TBC1D22A: variants seen among roughly 807,000 people sequenced by gnomAD.
The protein encoded by TBC1D22A is TBC1 domain family member 22A, also known as putative GTPase activator.
A neutral mutation model predicts 60.2 loss-of-function variants in TBC1D22A; 38 were observed. The ratio of observed to expected loss-of-function variants is 0.63; its 90% confidence interval spans 0.49 to 0.83. The LOEUF (loss-of-function observed/expected upper bound fraction) is 0.83, where lower values mean the gene tolerates loss of function less well. TBC1D22A is among the 40% of genes least tolerant of loss of function. The probability of loss-of-function intolerance (pLI) is 0.00; values close to 1 mark genes in which losing one functional copy is unlikely to be tolerated. For missense variants in TBC1D22A, 628 were observed against 701.0 expected (o/e 0.90, Z 1.18); for synonymous variants, 302 against 281.7 (o/e 1.07, Z -0.72).
chr22:47,123,484 T>C (rs2066344242), intron 12 of TBC1D22A, among the ~76,000 whole-genome samples: 1 of 152,244 alleles, frequency 6.6e-6, no homozygotes, highest in African/African-American at 2.4e-5. Context: ...CATTGCTGTC[T>C]TGAGTCACTA....
intron 10 of TBC1D22A, among the ~76,000 whole-genome samples, chr22:47,027,037 A>G (rs934435978): frequency 6.6e-6 from 1 of 152,224 alleles, no homozygotes. Flanking sequence ...AGTAATCAAG[A>G]CAGCATGTTG....
chr22:47,161,879 C>T (rs1005864119), intron 12 of TBC1D22A, among the ~76,000 whole-genome samples: 4 of 152,260 alleles, frequency 2.6e-5, no homozygotes, highest in African/African-American at 9.6e-5. Flanking sequence ...ATAACTGAGC[C>T]AGCCCCAGAG....
At chr22:47,016,744 G>C (rs772274610) in intron 10 of TBC1D22A, among the ~76,000 whole-genome samples, 12 of 152,210 alleles carry the variant, frequency 7.9e-5, no homozygotes, top group Non-Finnish European at 1.6e-4. Context: ...TGCGCTTCCA[G>C]TCACAGCCGT....
At chr22:46,964,793 G>T (rs537829635) in intron 8 of TBC1D22A, among the ~76,000 whole-genome samples, 7 of 152,338 alleles carry the variant, frequency 4.6e-5, no homozygotes, top group African/African-American at 1.7e-4. Context: ...GGCACTGAGG[G>T]CTGAGGGGTC....
intron 8 of TBC1D22A, among the ~76,000 whole-genome samples, chr22:46,935,664 G>A (rs970835212): frequency 1.1e-4 from 17 of 152,214 alleles, no homozygotes; most frequent in Non-Finnish European, 2.5e-4. Flanking sequence ...GCTGTGCTAT[G>A]GGCCGTCTGT....
chr22:46,959,619 C>T (rs1031803820), intron 8 of TBC1D22A, among the ~76,000 whole-genome samples: 11 of 152,218 alleles, frequency 7.2e-5, no homozygotes, highest in Admixed American at 2.6e-4. Flanking sequence ...CCTCTCTGTC[C>T]CCTCCCCTGT....
At chr22:46,897,990 A>G (rs1452591504) in intron 7 of TBC1D22A, among the ~76,000 whole-genome samples, 1 of 152,204 alleles carries the variant, frequency 6.6e-6, no homozygotes, top group African/African-American at 2.4e-5. Context: ...CAACAGAAGT[A>G]GTCATTTTGA....
chr22:47,020,157 G>A (rs148289642), intron 10 of TBC1D22A, among the ~76,000 whole-genome samples: 1,549 of 152,316 alleles, frequency 0.01, 17 homozygotes, highest in African/African-American at 0.017. Flanking sequence ...ATTTCATGTC[G>A]TCATGAGCTT....
At chr22:47,058,938 C>T (rs768544119) in intron 11 of TBC1D22A, among the ~76,000 whole-genome samples, 6 of 152,202 alleles carry the variant, frequency 3.9e-5, no homozygotes, top group Admixed American at 2.0e-4. Context: ...CCATACCCCT[C>T]CCTCAGTTGA....
chr22:46,904,884 T>C (rs1313803091), intron 7 of TBC1D22A, among the ~76,000 whole-genome samples: 5 of 148,622 alleles, frequency 3.4e-5, no homozygotes, highest in African/African-American at 5.0e-5. Context: ...GCGCCATTCT[T>C]CTGCCTCAGC....
At position 47,173,622 on chromosome 22, in the gene TBC1D22A, A is replaced by G; in HGVS notation, c.1550A>G (p.Lys517Arg). ...AFADAPNHYKK is the reference protein window; with the variant it reads ...AFADAPNHYKR ...GCCGACGCCCCCAATCACTACAAGAAATGAGCCCAGGCCCACCCGCAGCTG... is the reference window on the plus strand; with the variant it reads ...GCCGACGCCCCCAATCACTACAAGAGATGAGCCCAGGCCCACCCGCAGCTG... The change falls in exon 13 of 13, where the codon AAA becomes AGA. Residue 517 changes from lysine to arginine, a missense_variant. Physicochemically the swap from Lys to Arg is conservative, Grantham distance 26. Transcript: ENST00000337137. 8 of 1,613,512 alleles carry G rather than the reference A, an allele frequency of 5.0e-6. No individual in the cohort carries two copies. The highest frequency in any genetic ancestry group is 5.9e-6 in the Non-Finnish European group (7 of 1,179,712).
At chr22:47,040,640 G>A (rs925398324) in intron 11 of TBC1D22A, among the ~76,000 whole-genome samples, 3 of 152,180 alleles carry the variant, frequency 2.0e-5, no homozygotes, top group African/African-American at 7.2e-5. Context: ...TGCTGGGGAG[G>A]TGAGGATGCA....
At position 47,173,848 on chromosome 22, in the gene TBC1D22A, G is replaced by A. The variant is rs1350516325; in HGVS notation, c.*222G>A. On this transcript the variant is annotated 3_prime_UTR_variant, in exon 13 of 13. Transcript: ENST00000337137. ...GAGATACCAAAGAGAGCCAGGGGAG[G>A]GCCCCGGGTTCGGCGGCCAGAGGCA... is the stretch of plus-strand genomic sequence containing the variant. 5 of 698,004 alleles carry A rather than the reference G, an allele frequency of 7.2e-6. No homozygotes were observed. The highest frequency in any genetic ancestry group is 2.2e-6 in the Non-Finnish European group (1 of 457,058). The allele number at this position is 698,004 out of a possible 1,614,324, so 43.2% of individuals were successfully genotyped here. A position where few individuals can be genotyped will look rare whatever the true frequency, so the allele number is the denominator to read the frequency against.
rs1054597708 is a variant in TBC1D22A, at chr22:46,987,666, C to T, written c.1126-9968C>T. Among the ~76,000 whole-genome samples, 4 of 152,154 alleles carry T rather than the reference C, an allele frequency of 2.6e-5. No homozygotes were observed. In the South Asian group the frequency reaches 6.2e-4, roughly 24 times the overall value. On this transcript the variant is annotated intron_variant, in intron 9 of 12. Coordinates refer to ENST00000337137, the MANE Select transcript of TBC1D22A (RefSeq NM_014346.5). The stretch of plus-strand genomic sequence containing the variant: ...AAAACTACTTTATTGCTAGAAAATG[C>T]GAATGATCATCTGAGCCTTCAGCAA...
At chr22:47,155,223 AAAATG>A (rs2067664488) in intron 12 of TBC1D22A, among the ~76,000 whole-genome samples, 1 of 151,988 alleles carries the variant, frequency 6.6e-6, no homozygotes, top group Non-Finnish European at 1.5e-5. Context: ...GGAAAAAAAA[AAAATG>A]AAATGAATTA....
intron 11 of TBC1D22A, among the ~76,000 whole-genome samples, chr22:47,040,356 C>T (rs1310459772): frequency 6.6e-6 from 1 of 152,162 alleles, no homozygotes; most frequent in Non-Finnish European, 1.5e-5. Context: ...CTCCTGATCT[C>T]ATCACCACCT....
intron 4 of TBC1D22A, among the ~76,000 whole-genome samples, chr22:46,846,608 T>G (rs2087006650): frequency 6.6e-6 from 1 of 152,190 alleles, no homozygotes. Context: ...TATAAAAAAT[T>G]TCAAACATGC....
chr22:46,971,528 T>A (rs1316848262), intron 8 of TBC1D22A, among the ~76,000 whole-genome samples: 1 of 152,214 alleles, frequency 6.6e-6, no homozygotes, highest in Non-Finnish European at 1.5e-5. Context: ...AACGTTGAGT[T>A]GATTCTGCCC....
At chr22:46,790,948 G>T (rs547242420) in intron 1 of TBC1D22A, among the ~76,000 whole-genome samples, 57 of 152,146 alleles carry the variant, frequency 3.7e-4, no homozygotes, top group African/African-American at 1.4e-3. Flanking sequence ...TTAGAGACAG[G>T]GTCTTACTCT....
Sources: gnomAD v4.1 joint callset for allele counts (sites outside exome capture counted in the v4.1 genomes callset) on GRCh38, gnomAD v4.1.1 for gene constraint, MANE v1.5 for transcripts, NCBI Gene and HGNC (gene_info 2026-07-23, HGNC 2026-07-21) for gene names.